Variants in EPHA6 observed in about 807,000 individuals in gnomAD.
EPHA6 encodes the protein EPH receptor A6.
Under a neutral mutation model 112.0 loss-of-function variants are expected in EPHA6, and 50 were observed. The observed-to-expected ratio is 0.45, with a 90% confidence interval of 0.36 to 0.56. The LOEUF (loss-of-function observed/expected upper bound fraction) is 0.56, where lower values mean the gene tolerates loss of function less well. Ranked by LOEUF, EPHA6 falls within the 20% of genes least tolerant of loss-of-function variation. The pLI is 0.00. For synonymous variants in EPHA6, 529 were observed against 490.7 expected, an observed-to-expected ratio of 1.08 and a Z score of -1.03; for missense variants, 1,280 against 1,417.4, an observed-to-expected ratio of 0.90 and a Z score of 1.56.
intron 14 of EPHA6, among the ~76,000 whole-genome samples, chr3:97,640,535 C>G (rs578098832): frequency 1.1e-4 from 16 of 152,090 alleles, no homozygotes; most frequent in African/African-American, 3.1e-4. Flanking sequence ...CTTTGGGAAG[C>G]CGAGGGGAGC....
chr3:97,028,008 A>G (rs374850128), intron 3 of EPHA6, among the ~76,000 whole-genome samples: 1 of 152,130 alleles, frequency 6.6e-6, no homozygotes. Flanking sequence ...ATTTTCTTTT[A>G]TTACTCTCTG....
At chr3:96,817,689 A>G (rs2032907592) in intron 1 of EPHA6, among the ~76,000 whole-genome samples, 1 of 151,902 alleles carries the variant, frequency 6.6e-6, no homozygotes, top group Non-Finnish European at 1.5e-5. Context: ...TTAATGTTAT[A>G]TATCTGTTTT....
intron 6 of EPHA6, among the ~76,000 whole-genome samples, chr3:97,424,943 A>G (rs2107204575): frequency 6.6e-6 from 1 of 152,316 alleles, no homozygotes; most frequent in Non-Finnish European, 1.5e-5. Context: ...GTCCAAAATC[A>G]AACAAGTCAG....
chr3:96,891,484 G>A (rs1003013020), intron 2 of EPHA6, among the ~76,000 whole-genome samples: 1 of 152,150 alleles, frequency 6.6e-6, no homozygotes, highest in Non-Finnish European at 1.5e-5. Flanking sequence ...ACCGAGATGG[G>A]CAGATCACTT....
intron 5 of EPHA6, among the ~76,000 whole-genome samples, chr3:97,321,126 G>A (rs759790020): frequency 9.9e-5 from 15 of 152,030 alleles, no homozygotes; most frequent in South Asian, 2.1e-4. Flanking sequence ...TTTGGGGAGA[G>A]CAATCTTGGA....
chr3:96,925,330 A>G (rs62263690), intron 2 of EPHA6, among the ~76,000 whole-genome samples: 233 of 152,234 alleles, frequency 1.5e-3, no homozygotes, highest in Admixed American at 4.0e-3. Context: ...GAAACTCGTT[A>G]TCAGTCTATT....
rs1295937265 is a variant in EPHA6 at position 97,128,511 on chromosome 3, T to G, written c.1115-97753T>G. On this transcript the variant is annotated intron_variant, in intron 3 of 17. Transcript: ENST00000389672. ...ACTCTAGACACTGAAAAATGTACAT[T>G]TTGGGGGATTTTTTTTGGAGACAGT... 2.6e-5 allele frequency among the ~76,000 whole-genome samples: 4 copies of G among 152,038 alleles called. No homozygotes were observed. The East Asian group carries it at 7.8e-4, about 29-fold the overall frequency.
chr3:97,443,705 T>C (rs1487122285), intron 6 of EPHA6, among the ~76,000 whole-genome samples: 2 of 152,164 alleles, frequency 1.3e-5, no homozygotes, highest in African/African-American at 4.8e-5. Context: ...ACCTTTGAAA[T>C]GTGTATTTAA....
chr3:97,363,851 T>G (rs2084550783), intron 5 of EPHA6, among the ~76,000 whole-genome samples: 1 of 152,108 alleles, frequency 6.6e-6, no homozygotes. Flanking sequence ...TTACACATGC[T>G]ATAACATAGA....
chr3:97,332,468 G>A (rs974020142), intron 5 of EPHA6, among the ~76,000 whole-genome samples: 2 of 152,072 alleles, frequency 1.3e-5, no homozygotes, highest in Non-Finnish European at 2.9e-5. Flanking sequence ...AAGTTAAATT[G>A]TCCCTGTTTG....
chr3:97,557,981 T>G (rs1402458214), intron 11 of EPHA6, among the ~76,000 whole-genome samples: 1 of 152,046 alleles, frequency 6.6e-6, no homozygotes, highest in African/African-American at 2.4e-5. Context: ...CTCAGTCTCC[T>G]TTGATCAACT....
intron 5 of EPHA6, among the ~76,000 whole-genome samples, chr3:97,317,616 C>A (rs2081907845): frequency 6.6e-6 from 1 of 151,890 alleles, no homozygotes; most frequent in African/African-American, 2.4e-5. Flanking sequence ...TTATAATCAT[C>A]ATTATGCATG....
At position 97,139,644 on chromosome 3, in the gene EPHA6, A is replaced by G. The variant is rs1173489868; in HGVS notation, c.1115-86620A>G. 2.6e-5 allele frequency among the ~76,000 whole-genome samples: 4 copies of G among 152,144 alleles called. No individual in the cohort carries two copies. The East Asian group carries it at 7.7e-4, about 29-fold the overall frequency. ...CAAAGAGGCAAAGCCAAAGGACCCT[A>G]CCCAACATGTGCAACACTCCCACCC... On this transcript the variant is annotated intron_variant, in intron 3 of 17. Coordinates refer to ENST00000389672, the MANE Select transcript of EPHA6 (RefSeq NM_001080448.3).
intron 10 of EPHA6, among the ~76,000 whole-genome samples, chr3:97,511,469 C>G (rs2107592030): frequency 6.6e-6 from 1 of 152,256 alleles, no homozygotes; most frequent in Admixed American, 6.5e-5. Flanking sequence ...CCTAGTGAGG[C>G]AACACCCCAC....
intron 6 of EPHA6, among the ~76,000 whole-genome samples, chr3:97,434,738 G>A (rs1277581801): frequency 1.3e-5 from 2 of 152,082 alleles, no homozygotes; most frequent in Non-Finnish European, 2.9e-5. Flanking sequence ...TATTCAGACA[G>A]GACAGAGCAG....
rs148914849 is a variant in EPHA6 at position 97,030,109 on chromosome 3, C to CA, written c.1114+42122dup. On this transcript the variant is annotated intron_variant, in intron 3 of 17. Coordinates refer to ENST00000389672, the MANE Select transcript of EPHA6 (RefSeq NM_001080448.3). ...ATCTTAGTCCAGATATTCAGCTGTG[C>CA]AAAAAATATCTTTCCTTTCTCCAAA... Among the ~76,000 whole-genome samples, 72 of 152,198 alleles carry CA rather than the reference C, an allele frequency of 4.7e-4. No individual in the cohort carries two copies. In the East Asian group the frequency reaches 9.8e-3, roughly 21 times the overall value.
At chr3:96,860,851 G>A (rs568117704) in intron 1 of EPHA6, among the ~76,000 whole-genome samples, 2 of 152,240 alleles carry the variant, frequency 1.3e-5, no homozygotes, top group African/African-American at 4.8e-5. Context: ...TGCTGAAGAT[G>A]TCAAAATAGA....
intron 10 of EPHA6, among the ~76,000 whole-genome samples, chr3:97,505,241 C>A (rs2092218211): frequency 6.6e-6 from 1 of 152,088 alleles, no homozygotes; most frequent in South Asian, 2.1e-4. Context: ...GCAGAACATG[C>A]AAGTTTGCTA....
At chr3:96,999,225 G>GT (rs1003736315) in intron 3 of EPHA6, among the ~76,000 whole-genome samples, 2 of 151,840 alleles carry the variant, frequency 1.3e-5, no homozygotes, top group African/African-American at 2.4e-5. Flanking sequence ...TGTGTCATCA[G>GT]TTTTTTTATT....
Sources: allele counts gnomAD v4.1 joint callset (sites outside exome capture counted in the v4.1 genomes callset), GRCh38; gene constraint gnomAD v4.1.1; transcripts MANE v1.5; gene names NCBI Gene and HGNC (gene_info 2026-07-23, HGNC 2026-07-21).